Variants in BMPR1A observed in about 807,000 individuals in gnomAD.
BMPR1A encodes bone morphogenetic protein receptor type-1A.
Under a neutral mutation model 66.0 loss-of-function variants are expected in BMPR1A, and 7 were observed. The ratio of observed to expected loss-of-function variants is 0.11; its 90% CI spans 0.06 to 0.20. BMPR1A has a LOEUF of 0.20. Ranked by LOEUF, BMPR1A falls within the 10% of genes least tolerant of loss-of-function variation. The pLI is 1.00. For missense variants in BMPR1A, 408 were observed against 669.1 expected (o/e 0.61, Z 4.31); for synonymous variants, 200 against 229.7 (o/e 0.87, Z 1.17).
Position 86,924,163 on chromosome 10 carries a change from A to C in BMPR1A, c.*444A>C. ...GTTCGTTTGTATTCTACCTTTGTAAAACAGCCTATAGATGATGATGTGTTT... is the reference window on the plus strand; with the variant it reads ...GTTCGTTTGTATTCTACCTTTGTAACACAGCCTATAGATGATGATGTGTTT... On this transcript the variant is annotated 3_prime_UTR_variant, in exon 13 of 13. Transcript: ENST00000372037. 3.0e-6 allele frequency: 1 copy of C among 338,032 alleles called. No homozygotes were observed. Among genetic ancestry groups the C allele is most frequent in the Non-Finnish European group, 5.5e-6 (1 of 181,848 alleles). 20.9% of individuals were successfully genotyped at this position (338,032 alleles called of 1,614,324 possible). A position where few individuals can be genotyped will look rare whatever the true frequency, so the allele number is the denominator to read the frequency against.
At chr10:86,932,063 C>T (rs746587689), downstream of BMPR1A, 1 of 152,224 alleles carries the variant, frequency 6.6e-6, no homozygotes, top group Non-Finnish European at 1.5e-5. Flanking sequence ...TTACCCTTCA[C>T]CCAGATTCAT....
intron 2 of BMPR1A, among the ~76,000 whole-genome samples, chr10:86,863,805 T>C (rs1032472543): frequency 1.3e-5 from 2 of 151,966 alleles, no homozygotes; most frequent in Non-Finnish European, 2.9e-5. Context: ...GAGCCTCTAC[T>C]CCTGAGATCT....
chr10:86,900,333 G>T (rs367786574), intron 7 of BMPR1A, among the ~76,000 whole-genome samples: 1 of 151,964 alleles, frequency 6.6e-6, no homozygotes, highest in East Asian at 1.9e-4. Flanking sequence ...GTATGTTCAT[G>T]ATTACTTATG....
chr10:86,879,815 A>C (rs1468633111), intron 3 of BMPR1A, among the ~76,000 whole-genome samples: 1 of 152,212 alleles, frequency 6.6e-6, no homozygotes, highest in Non-Finnish European at 1.5e-5. Flanking sequence ...ATAAAGATGA[A>C]GTGGGATAAG....
At chr10:86,854,330 T>C (rs1400866940) in intron 2 of BMPR1A, among the ~76,000 whole-genome samples, 4 of 152,138 alleles carry the variant, frequency 2.6e-5, no homozygotes, top group African/African-American at 9.7e-5. Context: ...TTAACGCAAT[T>C]ATTACAGGGT....
rs1554891026 is a variant in BMPR1A at position 86,919,212 on chromosome 10, T to C, written c.909T>C (p.Thr303=). The C allele has an allele frequency of 6.2e-7, 1 of 1,613,990 alleles. No individual in the cohort carries two copies. The highest frequency in any genetic ancestry group is 8.5e-7 in the Non-Finnish European group (1 of 1,179,868). Reference sequence around the variant, plus strand: ...ACATTAAAGGTACAGGTTCCTGGACTCAGCTCTATTTGATTACTGATTACC... The same window carrying C: ...ACATTAAAGGTACAGGTTCCTGGACCCAGCTCTATTTGATTACTGATTACC... ...AADIKGTGSW[T]QLYLITDYHE... is the part of the protein sequence containing the mutation. The change falls in exon 10 of 13, where the codon ACT becomes ACC. Residue 303 remains threonine, a synonymous_variant. Coordinates refer to ENST00000372037, the MANE Select transcript of BMPR1A (RefSeq NM_004329.3).
chr10:86,772,920 T>C (rs940394116), intron 1 of BMPR1A, among the ~76,000 whole-genome samples: 1 of 152,178 alleles, frequency 6.6e-6, no homozygotes, highest in African/African-American at 2.4e-5. Flanking sequence ...AGGTAACATC[T>C]ATAAACATTT....
chr10:86,804,036 A>G (rs1841850061), intron 1 of BMPR1A, among the ~76,000 whole-genome samples: 1 of 152,162 alleles, frequency 6.6e-6, no homozygotes, highest in Admixed American at 6.6e-5. Flanking sequence ...TTTTCTAACC[A>G]GTTTTGTTAA....
intron 7 of BMPR1A, among the ~76,000 whole-genome samples, chr10:86,911,698 T>C (rs562391217): frequency 3.3e-5 from 5 of 152,228 alleles, no homozygotes; most frequent in Non-Finnish European, 5.9e-5. Flanking sequence ...TGCAGTGAAC[T>C]GAGATCGTAC....
chr10:86,846,721 A>C (rs10887659), intron 2 of BMPR1A, among the ~76,000 whole-genome samples: 57,336 of 151,490 alleles, frequency 0.38, 11,497 homozygotes, highest in East Asian at 0.67. Flanking sequence ...CACACACACA[A>C]AAAAAATTAA....
At chr10:86,841,321 C>G (rs1258057546) in intron 2 of BMPR1A, among the ~76,000 whole-genome samples, 1 of 152,164 alleles carries the variant, frequency 6.6e-6, no homozygotes, top group South Asian at 2.1e-4. Context: ...TTTGATTATT[C>G]CACACTGTGT....
intron 1 of BMPR1A, among the ~76,000 whole-genome samples, chr10:86,816,123 C>T (rs1412482432): frequency 6.6e-6 from 1 of 152,134 alleles, no homozygotes; most frequent in African/African-American, 2.4e-5. Flanking sequence ...ATCACTTAGA[C>T]CTGTGCTGTC....
chr10:86,785,691 T>C (rs1280820196), intron 1 of BMPR1A, among the ~76,000 whole-genome samples: 1 of 152,208 alleles, frequency 6.6e-6, no homozygotes, highest in Non-Finnish European at 1.5e-5. Flanking sequence ...CTCCGGTGGT[T>C]CTGTCCATTA....
intron 1 of BMPR1A, among the ~76,000 whole-genome samples, chr10:86,777,840 C>T (rs1841376921): frequency 6.6e-6 from 1 of 151,616 alleles, no homozygotes; most frequent in East Asian, 1.9e-4. Flanking sequence ...ATGGAGAAAC[C>T]CCGTCTCTAC....
intron 2 of BMPR1A, among the ~76,000 whole-genome samples, chr10:86,846,032 A>G (rs1406857859): frequency 1.3e-5 from 2 of 151,852 alleles, no homozygotes; most frequent in African/African-American, 2.4e-5. Flanking sequence ...AGATATATGT[A>G]TATATCTCTG....
chr10:86,856,159 A>G lies in BMPR1A; in HGVS notation c.-153+17180A>G. 1.7e-5 allele frequency: 9 copies of G among 529,710 alleles called. 1 individual carries two copies. The highest frequency in any genetic ancestry group is 1.3e-4 in the South Asian group (9 of 70,842). 32.8% of individuals were successfully genotyped at this position (529,710 alleles called of 1,614,324 possible). ...TATTTAATTCCCAGCTTCTTGTGACATAAAGGATAACCACAGAGTTTGACA... is the reference window on the plus strand; with the variant it reads ...TATTTAATTCCCAGCTTCTTGTGACGTAAAGGATAACCACAGAGTTTGACA... On this transcript the variant is annotated intron_variant, in intron 2 of 12. Coordinates refer to ENST00000372037, the MANE Select transcript of BMPR1A (RefSeq NM_004329.3).
intron 1 of BMPR1A, among the ~76,000 whole-genome samples, chr10:86,765,487 A>C (rs1190430592): frequency 6.6e-6 from 1 of 150,416 alleles, no homozygotes; most frequent in Non-Finnish European, 1.5e-5. Flanking sequence ...CTGTCTCAAA[A>C]AAAAAAAAAA....
chr10:86,865,348 C>T (rs1229630604), intron 2 of BMPR1A, among the ~76,000 whole-genome samples: 1 of 151,804 alleles, frequency 6.6e-6, no homozygotes, highest in Non-Finnish European at 1.5e-5. Context: ...TTGTGAAAGT[C>T]CTTTTCCTGG....
chr10:86,817,941 T>C (rs1842059096), intron 1 of BMPR1A, among the ~76,000 whole-genome samples: 1 of 152,246 alleles, frequency 6.6e-6, no homozygotes, highest in African/African-American at 2.4e-5. Context: ...TTAGGAACGT[T>C]GATGCCAAAA....
Sources: allele counts gnomAD v4.1 joint callset (sites outside exome capture counted in the v4.1 genomes callset), GRCh38; gene constraint gnomAD v4.1.1; transcripts MANE v1.5; gene names NCBI Gene and HGNC (gene_info 2026-07-23, HGNC 2026-07-21).